RALGPS1: variants seen among roughly 807,000 people sequenced by gnomAD.
RALGPS1 encodes ras-specific guanine nucleotide-releasing factor RalGPS1.
In RALGPS1, 19 loss-of-function variants were observed where a neutral mutation model predicts 78.8. The ratio of observed to expected loss-of-function variants is 0.24; its 90% CI spans 0.17 to 0.35. The LOEUF is 0.35. Among genes scored for constraint, RALGPS1 ranks in the 10% least tolerant of loss-of-function variants. The pLI is 1.00. For missense variants in RALGPS1, 454 were observed against 688.3 expected (o/e 0.66, Z 3.81); for synonymous variants, 228 against 256.3 (o/e 0.89, Z 1.06).
At chr9:127,153,586 G>A (rs1005778070) in intron 8 of RALGPS1, among the ~76,000 whole-genome samples, 8 of 152,028 alleles carry the variant, frequency 5.3e-5, no homozygotes, top group East Asian at 1.9e-4. Flanking sequence ...TGATGGCGGC[G>A]CACATCACTG....
At chr9:126,978,006 G>C (rs1356322942) in intron 4 of RALGPS1, 2 of 322,514 alleles carry the variant, frequency 6.2e-6, no homozygotes, top group East Asian at 9.6e-5. Context: ...TGAGAGTCAG[G>C]TCTTAACACC....
chr9:126,963,541 A>G (rs192256335), intron 2 of RALGPS1, among the ~76,000 whole-genome samples: 66 of 152,366 alleles, frequency 4.3e-4, no homozygotes, highest in Admixed American at 1.3e-3. Context: ...GTGCTCAATA[A>G]ATTTTGATGA....
chr9:126,954,997 C>T (rs1326294017), intron 1 of RALGPS1, among the ~76,000 whole-genome samples: 1 of 152,236 alleles, frequency 6.6e-6, no homozygotes, highest in East Asian at 1.9e-4. Flanking sequence ...ATCTCAGGGC[C>T]TTTGCACTTG....
At chr9:127,001,942 C>A (rs945451967) in intron 4 of RALGPS1, among the ~76,000 whole-genome samples, 1 of 152,100 alleles carries the variant, frequency 6.6e-6, no homozygotes, top group Non-Finnish European at 1.5e-5. Flanking sequence ...AATACATTTG[C>A]ATTAAATGAT....
At chr9:127,167,034 TG>T (rs1389779590) in intron 9 of RALGPS1, among the ~76,000 whole-genome samples, 3 of 113,740 alleles carry the variant, frequency 2.6e-5, no homozygotes, top group Admixed American at 9.2e-5. Context: ...GTGTGGTGCA[TG>T]GGGGGTGGGG....
chr9:127,202,301 A>C (rs1412563322), intron 14 of RALGPS1, among the ~76,000 whole-genome samples: 9 of 152,172 alleles, frequency 5.9e-5, no homozygotes, highest in Admixed American at 5.9e-4. Context: ...GAGACTCTGC[A>C]TGCCCGTCTG....
At chr9:126,916,736 G>T (rs1033358921) in intron 1 of RALGPS1, among the ~76,000 whole-genome samples, 1 of 152,126 alleles carries the variant, frequency 6.6e-6, no homozygotes, top group Non-Finnish European at 1.5e-5. Context: ...AGCCGAGATC[G>T]TGCCACTGCA....
chr9:127,104,237 A>G (rs555832141), intron 8 of RALGPS1, among the ~76,000 whole-genome samples: 1 of 152,228 alleles, frequency 6.6e-6, no homozygotes, highest in Non-Finnish European at 1.5e-5. Flanking sequence ...AGTTTCTGAC[A>G]AAGCCCGTCT....
Position 127,205,967 on chromosome 9 carries a change from A to C in RALGPS1, c.1248-6164A>C, listed in dbSNP as rs2061909630. Among the ~76,000 whole-genome samples, 1 of 152,228 alleles carries C rather than the reference A, an allele frequency of 6.6e-6. No homozygotes were observed. Among genetic ancestry groups the C allele is most frequent in the South Asian group, 2.1e-4 (1 of 4,834 alleles). ...TAGGGACCCACTTAGTGAATCAGGG[A>C]CATTGCCCAGAGAAGAGTGGGTGGC... is the stretch of plus-strand genomic sequence containing the variant. On this transcript the variant is annotated intron_variant, in intron 14 of 18. Coordinates refer to ENST00000259351, the MANE Select transcript of RALGPS1 (RefSeq NM_014636.3). This position sits in a 1 kb window ranked among gnomAD's most constrained non-coding sequence, Gnocchi z 4.0.
chr9:127,069,393 C>A (rs1450858009), intron 8 of RALGPS1, 37 bp downstream of exon 8: 3 of 1,603,642 alleles, frequency 1.9e-6, no homozygotes, highest in South Asian at 1.1e-5. Flanking sequence ...TTTTAAGAAA[C>A]CTACTCGGTG....
chr9:127,107,869 G>T (rs749860552), intron 8 of RALGPS1: 7 of 1,498,258 alleles, frequency 4.7e-6, no homozygotes, highest in Non-Finnish European at 1.8e-6. Context: ...GAAGCCTGGT[G>T]CCTGGCTCTG....
At chr9:126,998,735 A>C (rs1372112255) in intron 4 of RALGPS1, among the ~76,000 whole-genome samples, 1 of 152,170 alleles carries the variant, frequency 6.6e-6, no homozygotes, top group Non-Finnish European at 1.5e-5. Flanking sequence ...TTATAGCGGC[A>C]CTATTCACAA....
intron 8 of RALGPS1, among the ~76,000 whole-genome samples, chr9:127,129,296 A>G (rs909363677): frequency 6.6e-6 from 1 of 152,212 alleles, no homozygotes; most frequent in African/African-American, 2.4e-5. Context: ...CGAAAAATTC[A>G]TAGACACTTT....
intron 5 of RALGPS1, among the ~76,000 whole-genome samples, chr9:127,049,753 C>T (rs939872272): frequency 2.6e-5 from 4 of 152,178 alleles, no homozygotes; most frequent in Non-Finnish European, 5.9e-5. Flanking sequence ...CAACTCTTCT[C>T]GAGACTCGTG....
chr9:127,093,843 G>A lies in RALGPS1; in HGVS notation c.610+24487G>A, dbSNP rs151052759. Reference sequence around the variant, plus strand: ...TGGTCGCACCACACCTGCATGAGGCGGTTGGTGTTCTCCGGCTTCACCAGG... The same window carrying A: ...TGGTCGCACCACACCTGCATGAGGCAGTTGGTGTTCTCCGGCTTCACCAGG... On this transcript the variant is annotated intron_variant, in intron 8 of 18. Transcript: ENST00000259351. 116 of 1,614,136 alleles carry A rather than the reference G, an allele frequency of 7.2e-5. No homozygotes were observed. The highest frequency in any genetic ancestry group is 2.3e-4 in the African/African-American group (17 of 75,018).
Position 127,054,004 on chromosome 9 carries a change from G to A in RALGPS1, c.483+1065G>A, listed in dbSNP as rs528108029. ...CCATCAGTGCTTCGTGGAGTCCCAG[G>A]GGTTCCTTAGAGTTGCCTTGGGTGC... On this transcript the variant is annotated intron_variant, in intron 7 of 18. Transcript: ENST00000259351. Among the ~76,000 whole-genome samples the A allele has an allele frequency of 3.9e-5, 6 of 152,302 alleles. No individual in the cohort carries two copies. The East Asian group carries it at 1.2e-3, about 29-fold the overall frequency.
At position 127,212,719 on chromosome 9, in the gene RALGPS1, C is replaced by T. The variant is rs149497407; in HGVS notation, c.1446C>T (p.His482=). ...AKSLRGTDRK[H]YKSTPGKKVS... ...CCTTGCGGGGCACAGACAGAAAACA[C>T]GTAAGTCCCTTGAAAGGACTCTAGT... is the stretch of plus-strand genomic sequence containing the variant. Residue 482 remains histidine (H), a splice_region_variant and synonymous_variant, in exon 16 of 19, where the codon CAC becomes CAT. Transcript: ENST00000259351. The surrounding 1 kb of genome is among the most constrained non-coding windows in gnomAD (Gnocchi z 6.0). 1.1e-4 allele frequency: 181 copies of T among 1,607,988 alleles called. No homozygotes were observed. Among genetic ancestry groups the T allele is most frequent in the African/African-American group, 7.8e-4 (58 of 74,748 alleles).
intron 1 of RALGPS1, among the ~76,000 whole-genome samples, chr9:126,936,532 TA>T (rs936000471): frequency 1.1e-4 from 16 of 152,272 alleles, no homozygotes; most frequent in African/African-American, 3.4e-4. Context: ...ATTTATTTAT[TA>T]TTTTTTTTTT....
Position 127,210,800 on chromosome 9 carries a change from C to T in RALGPS1, c.1248-1331C>T, listed in dbSNP as rs1377904153. 3.3e-6 allele frequency: 5 copies of T among 1,534,060 alleles called. No homozygotes were observed. In the African/African-American group the frequency reaches 5.5e-5, roughly 17 times the overall value. ...ACAGGTATTCATGTGTTCATGTGTT[C>T]ATTTGTTTGACACATAGCTTGTTAT... On this transcript the variant is annotated intron_variant, in intron 14 of 18. Coordinates refer to ENST00000259351, the MANE Select transcript of RALGPS1 (RefSeq NM_014636.3).
Sources: allele counts gnomAD v4.1 joint callset (sites outside exome capture counted in the v4.1 genomes callset), GRCh38; gene constraint gnomAD v4.1.1; non-coding constraint Gnocchi (gnomAD v3.1); transcripts MANE v1.5; gene names NCBI Gene and HGNC (gene_info 2026-07-23, HGNC 2026-07-21).